CNTN4: variants seen among roughly 807,000 people sequenced by gnomAD.
CNTN4 encodes the protein contactin-4.
CNTN4 carries 77 observed loss-of-function variants against 122.5 expected under a neutral mutation model. The ratio of observed to expected loss-of-function variants is 0.63; its 90% CI spans 0.52 to 0.76. The LOEUF (loss-of-function observed/expected upper bound fraction) is 0.76, where lower values mean the gene tolerates loss of function less well. Ranked by LOEUF, CNTN4 falls within the 30% of genes least tolerant of loss-of-function variation. The pLI is 0.00. For missense variants in CNTN4, 1,256 were observed against 1,259.1 expected (o/e 1.00, Z 0.04); for synonymous variants, 512 against 447.0 (o/e 1.15, Z -1.83).
In CNTN4 at chr3:2,298,246, C is replaced by A. The variant is rs189947141; in HGVS notation, c.-144-40932C>A. 7.2e-5 allele frequency among the ~76,000 whole-genome samples: 11 copies of A among 152,248 alleles called. No individual in the cohort carries two copies. In the East Asian group the frequency reaches 2.1e-3, roughly 29 times the overall value. ...AATTTTAACCTCCTCCTTTAAGGTT[C>A]TTGTCGTCTTGTCAGTCGAATTAAA... On this transcript the variant is annotated intron_variant, in intron 2 of 24. Transcript: ENST00000418658.
chr3:2,114,841 C>T (rs369747310), intron 2 of CNTN4, among the ~76,000 whole-genome samples: 6 of 152,190 alleles, frequency 3.9e-5, no homozygotes, highest in Non-Finnish European at 5.9e-5. Context: ...GGCATCATTC[C>T]GTGTTTCTCT....
intron 7 of CNTN4, among the ~76,000 whole-genome samples, chr3:2,849,668 A>G (rs1466600113): frequency 1.3e-5 from 2 of 152,198 alleles, no homozygotes; most frequent in African/African-American, 4.8e-5. Context: ...GGATACAATA[A>G]GGTTGGGATT....
intron 4 of CNTN4, among the ~76,000 whole-genome samples, chr3:2,627,384 G>C (rs1021455322): frequency 6.6e-6 from 1 of 151,744 alleles, no homozygotes; most frequent in African/African-American, 2.4e-5. Context: ...ATTTTTCTTA[G>C]ACAAGTTGAC....
In CNTN4 at chr3:2,575,990, A is replaced by G. The variant is rs141607585; in HGVS notation, c.55+4432A>G. Among the ~76,000 whole-genome samples the G allele has an allele frequency of 2.4e-3, 362 of 151,788 alleles. 3 individuals carry two copies. The highest frequency in any genetic ancestry group is 5.4e-3 in the African/African-American group (223 of 41,408). The stretch of plus-strand genomic sequence containing the variant: ...GCTGGGACTACAGGCACATGCCACC[A>G]TGCCTGGCTAATTTTTTTGTATTTT... On this transcript the variant is annotated intron_variant, in intron 4 of 24. Coordinates refer to ENST00000418658, the MANE Select transcript of CNTN4 (RefSeq NM_175607.3).
At chr3:2,263,657 A>G (rs962066628) in intron 2 of CNTN4, among the ~76,000 whole-genome samples, 14 of 152,136 alleles carry the variant, frequency 9.2e-5, no homozygotes, top group African/African-American at 2.9e-4. Flanking sequence ...TCTTCTAGCG[A>G]TTTTCAAATA....
At chr3:2,757,398 G>A (rs777287178) in intron 6 of CNTN4, among the ~76,000 whole-genome samples, 6 of 152,226 alleles carry the variant, frequency 3.9e-5, no homozygotes, top group Admixed American at 6.5e-5. Flanking sequence ...GACTTCTTCC[G>A]TTTTCTAGGT....
chr3:2,564,526 CCTT>C (rs1161864336), intron 3 of CNTN4, among the ~76,000 whole-genome samples: 1 of 152,096 alleles, frequency 6.6e-6, no homozygotes, highest in Non-Finnish European at 1.5e-5. Context: ...GCATATATAA[CCTT>C]CTTCTTATAG....
chr3:2,944,489 G>A (rs2094652441), intron 13 of CNTN4, among the ~76,000 whole-genome samples: 1 of 152,008 alleles, frequency 6.6e-6, no homozygotes, highest in African/African-American at 2.4e-5. Context: ...TATTATTTCT[G>A]CTCCTCCATA....
chr3:2,247,685 C>T (rs1439789731), intron 2 of CNTN4, among the ~76,000 whole-genome samples: 2 of 151,862 alleles, frequency 1.3e-5, no homozygotes, highest in African/African-American at 4.8e-5. Flanking sequence ...TTGACTTATA[C>T]ATATTATTTG....
intron 2 of CNTN4, among the ~76,000 whole-genome samples, chr3:2,198,687 A>G (rs2037958239): frequency 6.6e-6 from 1 of 152,190 alleles, no homozygotes; most frequent in Non-Finnish European, 1.5e-5. Flanking sequence ...AGGGACTTTC[A>G]TAGAATATAC....
chr3:2,412,793 C>G (rs1312659504), intron 3 of CNTN4, among the ~76,000 whole-genome samples: 3 of 152,030 alleles, frequency 2.0e-5, no homozygotes, highest in African/African-American at 7.2e-5. Context: ...GGATAGAAAG[C>G]TGTAGAATCA....
chr3:2,228,099 A>G (rs1283913581), intron 2 of CNTN4, among the ~76,000 whole-genome samples: 1 of 152,152 alleles, frequency 6.6e-6, no homozygotes, highest in Non-Finnish European at 1.5e-5. Context: ...GGTTTAAAGC[A>G]TTTCTAGTTA....
intron 2 of CNTN4, among the ~76,000 whole-genome samples, chr3:2,210,104 T>C (rs1038852841): frequency 2.6e-5 from 4 of 152,214 alleles, no homozygotes; most frequent in African/African-American, 7.2e-5. Flanking sequence ...TGTATCTATT[T>C]GTCTATCCAA....
intron 4 of CNTN4, among the ~76,000 whole-genome samples, chr3:2,724,781 C>T (rs2088102223): frequency 6.6e-6 from 1 of 152,050 alleles, no homozygotes; most frequent in African/African-American, 2.4e-5. Context: ...AGCAGTTCAC[C>T]CCAGAAGGGC....
chr3:3,002,300 TG>T (rs1559774234), intron 14 of CNTN4, among the ~76,000 whole-genome samples: 1 of 152,166 alleles, frequency 6.6e-6, no homozygotes. Context: ...CCAGTCTGTT[TG>T]GGGAAAGTTC....
chr3:2,344,080 C>T (rs1369008287), intron 3 of CNTN4, among the ~76,000 whole-genome samples: 3 of 152,180 alleles, frequency 2.0e-5, no homozygotes, highest in Non-Finnish European at 4.4e-5. Flanking sequence ...GAACAGTCTT[C>T]CCCCCATGGC....
chr3:2,126,806 T>C (rs1451018836), intron 2 of CNTN4, among the ~76,000 whole-genome samples: 1 of 152,186 alleles, frequency 6.6e-6, no homozygotes, highest in Non-Finnish European at 1.5e-5. Flanking sequence ...TAGGCTCCTT[T>C]AACTACTGGG....
chr3:2,922,536 T>G (rs1178787653), intron 12 of CNTN4, among the ~76,000 whole-genome samples: 2 of 152,064 alleles, frequency 1.3e-5, no homozygotes, highest in African/African-American at 4.8e-5. Flanking sequence ...TGGTTACAAC[T>G]GATAAATTTG....
rs1699688583 is a variant in CNTN4 at position 3,037,223 on chromosome 3, G to T, written c.1987G>T (p.Gly663Cys). The change falls in exon 18 of 25, where the codon GGT becomes TGT. Residue 663 changes from glycine to cysteine, a missense_variant. Coordinates refer to ENST00000418658, the MANE Select transcript of CNTN4 (RefSeq NM_175607.3). ...GAAGACATTCACAGCGACCGTGGTG[G>T]GTTTGAACCCTTGGGTTGAATATGA... ...DGKTFTATVVGLNPWVEYEFR... is the reference protein window; with the variant it reads ...DGKTFTATVVCLNPWVEYEFR... 2 of 1,614,192 alleles carry T rather than the reference G, an allele frequency of 1.2e-6. No homozygotes were observed. The highest frequency in any genetic ancestry group is 8.5e-7 in the Non-Finnish European group (1 of 1,180,030).
Sources: gnomAD v4.1 joint callset for allele counts (sites outside exome capture counted in the v4.1 genomes callset) on GRCh38, gnomAD v4.1.1 for gene constraint, MANE v1.5 for transcripts, NCBI Gene and HGNC (gene_info 2026-07-23, HGNC 2026-07-21) for gene names.